CRPPA: variants seen among roughly 807,000 people sequenced by gnomAD.
CRPPA encodes the protein CDP-L-ribitol pyrophosphorylase A.
Under a neutral mutation model 52.0 loss-of-function variants are expected in CRPPA, and 43 were observed. That is an observed-to-expected ratio of 0.83 (90% CI 0.65 to 1.07). The LOEUF is 1.07. Among genes scored for constraint, CRPPA ranks in the 50% least tolerant of loss-of-function variants. The probability of loss-of-function intolerance (pLI) is 0.00; values close to 1 mark genes in which losing one functional copy is unlikely to be tolerated. For synonymous variants in CRPPA, 250 were observed against 203.5 expected (o/e 1.23, Z -1.94); for missense variants, 629 against 551.7 (o/e 1.14, Z -1.40).
intron 2 of CRPPA, among the ~76,000 whole-genome samples, chr7:16,401,004 G>T (rs1255091528): frequency 6.6e-6 from 1 of 152,102 alleles, no homozygotes; most frequent in Non-Finnish European, 1.5e-5. Flanking sequence ...AGCTCTCCTG[G>T]ACCAGGGTCC....
In CRPPA at chr7:16,327,135, A is replaced by G. The variant is rs151208096; in HGVS notation, c.685-18508T>C. 4.4e-4 allele frequency among the ~76,000 whole-genome samples: 67 copies of G among 152,280 alleles called. 1 individual carries two copies. The highest frequency in any genetic ancestry group is 1.6e-3 in the African/African-American group (65 of 41,562). On this transcript the variant is annotated intron_variant, in intron 3 of 9. Transcript: ENST00000407010. ...AGGATCTTTACCAACACCTGCCTCA[A>G]ACAAACAGTTCTTTTGCTTTCTCTT...
At position 16,258,984 on chromosome 7, in the gene CRPPA, CCCAGAG is replaced by C; in HGVS notation, c.956_961del (p.Ala319_Leu320del). 1 of 1,610,684 alleles carries C rather than the reference CCCAGAG, an allele frequency of 6.2e-7. No homozygotes were observed. Among genetic ancestry groups the C allele is most frequent in the Non-Finnish European group, 8.5e-7 (1 of 1,178,180 alleles). ...TTGCTGAAGATGTCTGCCAGCATGA[CCCAGAG>C]CCTCAGATGTGACTTTTACATGCTA... On this transcript the variant is annotated inframe_deletion, in exon 7 of 10. Transcript: ENST00000407010.
intron 3 of CRPPA, among the ~76,000 whole-genome samples, chr7:16,370,552 C>T (rs893674134): frequency 5.3e-5 from 8 of 152,116 alleles, no homozygotes; most frequent in African/African-American, 1.4e-4. Flanking sequence ...AAGTCCCATT[C>T]CTAGGGAAAG....
chr7:16,415,840 T>A, intron 1 of CRPPA, among the ~76,000 whole-genome samples: 1 of 152,196 alleles, frequency 6.6e-6, no homozygotes, highest in Non-Finnish European at 1.5e-5. Context: ...AGTGGCAGTC[T>A]TTAACTAGAG....
intron 8 of CRPPA, among the ~76,000 whole-genome samples, chr7:16,250,143 A>T (rs1016780048): frequency 1.4e-4 from 21 of 152,276 alleles, no homozygotes; most frequent in African/African-American, 3.1e-4. Flanking sequence ...TGATTACTTA[A>T]TGAAATAAAG....
In CRPPA at chr7:16,091,588, A is replaced by C; in HGVS notation, c.*107T>G. On this transcript the variant is annotated 3_prime_UTR_variant, in exon 10 of 10. Transcript: ENST00000407010. ...TCACATCCTACAAATTATAGAGAAG[A>C]TATAAAAGACAACTGAAACATTCTA... The C allele has an allele frequency of 1.6e-6, 1 of 639,304 alleles. No homozygotes were observed. Among genetic ancestry groups the C allele is most frequent in the Non-Finnish European group, 2.7e-6 (1 of 366,224 alleles). 39.6% of individuals were successfully genotyped at this position (639,304 alleles called of 1,614,324 possible).
intron 3 of CRPPA, among the ~76,000 whole-genome samples, chr7:16,355,135 A>T (rs1786261562): frequency 6.6e-6 from 1 of 152,152 alleles, no homozygotes; most frequent in Non-Finnish European, 1.5e-5. Context: ...ACTTCAAGAA[A>T]CCTAACAGGT....
chr7:16,397,008 C>T (rs1241434347), intron 2 of CRPPA, among the ~76,000 whole-genome samples: 1 of 152,070 alleles, frequency 6.6e-6, no homozygotes, highest in Non-Finnish European at 1.5e-5. Flanking sequence ...ATGGAACTGA[C>T]ACGTGTGAAA....
intron 3 of CRPPA, among the ~76,000 whole-genome samples, chr7:16,367,659 C>A (rs774799906): frequency 6.6e-6 from 1 of 152,100 alleles, no homozygotes; most frequent in Non-Finnish European, 1.5e-5. Flanking sequence ...AGATACAAGT[C>A]TTATTTATTC....
intron 9 of CRPPA, among the ~76,000 whole-genome samples, chr7:16,118,249 G>A (rs1458856234): frequency 6.6e-6 from 1 of 152,188 alleles, no homozygotes. Context: ...GGTACAGACT[G>A]TGGAAGGTGG....
In CRPPA at chr7:16,238,430, T is replaced by G. The variant is rs1783008693; in HGVS notation, c.1119+19960A>C. Among the ~76,000 whole-genome samples, 3 of 152,278 alleles carry G rather than the reference T, an allele frequency of 2.0e-5. No homozygotes were observed. In the South Asian group the frequency reaches 6.2e-4, roughly 32 times the overall value. On this transcript the variant is annotated intron_variant, in intron 8 of 9. Transcript: ENST00000407010. ...TGGTAAGAAGAAACAGTGTGAGCAT[T>G]ACTCAATATGGAGTCATTCTCAGAT...
At chr7:16,252,687 C>T (rs1038662454) in intron 8 of CRPPA, among the ~76,000 whole-genome samples, 1 of 152,182 alleles carries the variant, frequency 6.6e-6, no homozygotes, top group Non-Finnish European at 1.5e-5. Flanking sequence ...ATGGTACCAG[C>T]TCCTCTTTGT....
intron 9 of CRPPA, among the ~76,000 whole-genome samples, chr7:16,147,620 A>G (rs1273386844): frequency 2.0e-5 from 3 of 152,202 alleles, no homozygotes; most frequent in Non-Finnish European, 4.4e-5. Context: ...TTTGAAAAGG[A>G]TGTTTTGCTA....
At chr7:16,411,912 A>G (rs933576397) in intron 1 of CRPPA, among the ~76,000 whole-genome samples, 1 of 152,224 alleles carries the variant, frequency 6.6e-6, no homozygotes, top group African/African-American at 2.4e-5. Flanking sequence ...TAAACTTTTA[A>G]GGAAATCAGT....
At chr7:16,177,519 G>C (rs1255637064) in intron 9 of CRPPA, among the ~76,000 whole-genome samples, 1 of 152,036 alleles carries the variant, frequency 6.6e-6, no homozygotes, top group Non-Finnish European at 1.5e-5. Context: ...TGTAGATGAA[G>C]AGAATAAATG....
intron 9 of CRPPA, among the ~76,000 whole-genome samples, chr7:16,095,676 C>G (rs1012067198): frequency 1.3e-5 from 2 of 152,114 alleles, no homozygotes; most frequent in Non-Finnish European, 2.9e-5. Flanking sequence ...GAGCTTTTTT[C>G]CAATCTACAA....
In CRPPA at chr7:16,342,799, C is replaced by CA. The variant is rs1230068209; in HGVS notation, c.684+33292_684+33293insT. ...AAAAAAAAAATATATATATATATATCTATATAGATATATAGATATACATAT... is the reference window on the plus strand; with the variant it reads ...AAAAAAAAAATATATATATATATATCATATATAGATATATAGATATACATAT... On this transcript the variant is annotated intron_variant, in intron 3 of 9. Transcript: ENST00000407010. Among the ~76,000 whole-genome samples the CA allele has an allele frequency of 6.7e-5, 7 of 104,466 alleles. No homozygotes were observed. In the East Asian group the frequency reaches 1.4e-3, roughly 22 times the overall value. 68.5% of individuals were successfully genotyped at this position (104,466 alleles called of 152,430 possible).
At chr7:16,335,173 A>G (rs1785649385) in intron 3 of CRPPA, among the ~76,000 whole-genome samples, 1 of 150,998 alleles carries the variant, frequency 6.6e-6, no homozygotes, top group South Asian at 2.1e-4. Flanking sequence ...AAAAAAAAAA[A>G]AAAAAGGAAA....
rs114556568 is a variant in CRPPA at position 16,214,056 on chromosome 7, C to A, written c.1251+2010G>T. Among the ~76,000 whole-genome samples, 1,119 of 152,174 alleles carry A rather than the reference C, an allele frequency of 7.4e-3. 15 individuals carry two copies. The highest frequency in any genetic ancestry group is 0.026 in the African/African-American group (1,079 of 41,522). ...TAAATGGCCAAGCCAATAATATAAT[C>A]CATAAGTCTACATTTAAGCTATCTA... is the stretch of plus-strand genomic sequence containing the variant. On this transcript the variant is annotated intron_variant, in intron 9 of 9. Transcript: ENST00000407010.
Sources: allele counts gnomAD v4.1 joint callset (sites outside exome capture counted in the v4.1 genomes callset), GRCh38; gene constraint gnomAD v4.1.1; transcripts MANE v1.5; gene names NCBI Gene and HGNC (gene_info 2026-07-23, HGNC 2026-07-21).